The following SLC39A10 variants were observed in gnomAD, a reference collection of about 807,000 sequenced individuals.
The protein encoded by SLC39A10 is zinc transporter ZIP10.
Under a neutral mutation model 65.1 loss-of-function variants are expected in SLC39A10, and 13 were observed. That is an observed-to-expected ratio of 0.20 (90% CI 0.13 to 0.32). SLC39A10 has a LOEUF of 0.32. Ranked by LOEUF, SLC39A10 falls within the 10% of genes least tolerant of loss-of-function variation. The probability of loss-of-function intolerance (pLI) is 1.00; values close to 1 mark genes in which losing one functional copy is unlikely to be tolerated. For synonymous variants in SLC39A10, 321 were observed against 342.2 expected (o/e 0.94, Z 0.68); for missense variants, 831 against 1,018.4 (o/e 0.82, Z 2.50).
chr2:195,662,967 C>G (rs1689465893), intron 1 of SLC39A10, among the ~76,000 whole-genome samples: 1 of 152,198 alleles, frequency 6.6e-6, no homozygotes, highest in Non-Finnish European at 1.5e-5. Flanking sequence ...TTTCCGCTTT[C>G]CATTTTTCCT....
chr2:195,621,809 C>A (rs1688354457), intron 2 of SLC39A10, among the ~76,000 whole-genome samples: 1 of 152,102 alleles, frequency 6.6e-6, no homozygotes, highest in South Asian at 2.1e-4. Context: ...TACCTATGAT[C>A]ATAATAAATA....
intron 1 of SLC39A10, among the ~76,000 whole-genome samples, chr2:195,660,768 T>C (rs1425463251): frequency 1.3e-5 from 2 of 152,242 alleles, no homozygotes; most frequent in Non-Finnish European, 2.9e-5. Flanking sequence ...AAGTTAGCTG[T>C]GTAAATAACA....
intron 5 of SLC39A10, among the ~76,000 whole-genome samples, chr2:195,709,653 G>A (rs1191855122): frequency 6.6e-6 from 1 of 152,076 alleles, no homozygotes; most frequent in African/African-American, 2.4e-5. Flanking sequence ...TGGGATTACA[G>A]GCATGAGGCA....
chr2:195,649,997 T>C (rs1291525124), intron 2 of SLC39A10, among the ~76,000 whole-genome samples: 3 of 152,080 alleles, frequency 2.0e-5, no homozygotes, highest in Non-Finnish European at 2.9e-5. Context: ...CTAAGGAAAA[T>C]ATATTCTCAC....
intron 3 of SLC39A10, among the ~76,000 whole-genome samples, chr2:195,701,337 CT>C (rs35540908): frequency 0.52 from 54,453 of 105,706 alleles, 12,691 homozygotes; most frequent in Non-Finnish European, 0.58. Flanking sequence ...ATCTTCTTGA[CT>C]TTTTTTTTTT....
intron 1 of SLC39A10, among the ~76,000 whole-genome samples, chr2:195,658,819 T>A (rs1461610142): frequency 6.6e-6 from 1 of 151,834 alleles, no homozygotes; most frequent in South Asian, 2.1e-4. Flanking sequence ...ACATATAATA[T>A]CAGTGATAAG....
At chr2:195,653,878 C>T (rs893158696), upstream of SLC39A10, among the ~76,000 whole-genome samples, 7 of 152,296 alleles carry the variant, frequency 4.6e-5, no homozygotes, top group South Asian at 2.1e-4. Context: ...TCTTGAATCA[C>T]GGAAAGAACA....
intron 3 of SLC39A10, among the ~76,000 whole-genome samples, chr2:195,696,296 G>A (rs957483868): frequency 2.9e-5 from 4 of 138,630 alleles, no homozygotes; most frequent in Non-Finnish European, 6.1e-5. Flanking sequence ...TGAATTTTAG[G>A]ATGTTTTTTA....
chr2:195,662,994 G>T (rs1411693569), intron 1 of SLC39A10, among the ~76,000 whole-genome samples: 1 of 152,042 alleles, frequency 6.6e-6, no homozygotes, highest in Non-Finnish European at 1.5e-5. Flanking sequence ...AGGGAATTAT[G>T]CTTTATTATG....
chr2:195,728,326 C>T lies in SLC39A10; in HGVS notation c.2314C>T (p.Leu772Phe). ...WIFAVTAGMF[L>F]YVALVDMLPE... ...CTTTGCAGTCACTGCAGGCATGTTC[C>T]TCTATGTAGCCTTGGTGGATATGGT... Residue 772 changes from leucine (L) to phenylalanine (F), a missense_variant, in exon 9 of 10, where the codon CTC (leucine) becomes TTC (phenylalanine). By Grantham distance (22) the Leu-to-Phe change is conservative (BLOSUM62 0). Coordinates refer to ENST00000359634, the MANE Select transcript of SLC39A10 (RefSeq NM_020342.3). The surrounding 1 kb of genome is among the most constrained non-coding windows in gnomAD (Gnocchi z 4.4). 6.2e-7 allele frequency: 1 copy of T among 1,613,706 alleles called. No individual in the cohort carries two copies. The highest frequency in any genetic ancestry group is 8.5e-7 in the Non-Finnish European group (1 of 1,179,734).
At chr2:195,701,432 A>ATTTTTTT in intron 3 of SLC39A10, among the ~76,000 whole-genome samples, 1 of 12,518 alleles carries the variant, frequency 8.0e-5, no homozygotes, top group Admixed American at 9.7e-4. Flanking sequence ...AGTTTCTGTG[A>ATTTTTTT]TTCTTTTTTT....
chr2:195,622,841 C>A (rs1276743881), intron 2 of SLC39A10, among the ~76,000 whole-genome samples: 1 of 151,794 alleles, frequency 6.6e-6, no homozygotes. Flanking sequence ...GGTGTGGTGG[C>A]GGGCACCTGT....
chr2:195,726,972 A>G (rs938098932), intron 8 of SLC39A10, among the ~76,000 whole-genome samples: 1 of 152,148 alleles, frequency 6.6e-6, no homozygotes, highest in African/African-American at 2.4e-5. Context: ...TTTTTCTTTC[A>G]TACCTCTTCA....
At position 195,680,718 on chromosome 2, in the gene SLC39A10, G is replaced by A; in HGVS notation, c.676G>A (p.Val226Ile). The A allele has an allele frequency of 6.2e-7, 1 of 1,614,066 alleles. No individual in the cohort carries two copies. Among genetic ancestry groups the A allele is most frequent in the Non-Finnish European group, 8.5e-7 (1 of 1,180,020 alleles). ...CAATAAAACCCAGGAACAATCTGAT[G>A]TTAAACTACCGAAAGGAAAGAGGAA... ...ETNKTQEQSD[V>I]KLPKGKRKKK... The change falls in exon 2 of 10, where the codon GTT (valine) becomes ATT (isoleucine). Residue 226 changes from valine (V) to isoleucine (I), a missense_variant. Transcript: ENST00000359634.
chr2:195,706,880 AT>A, intron 4 of SLC39A10, 95 bp downstream of exon 4: 1 of 828,718 alleles, frequency 1.2e-6, no homozygotes, highest in Admixed American at 3.9e-5. Context: ...GTAATCTAGT[AT>A]TTGTATTGTT....
Position 195,735,128 on chromosome 2 carries a change from G to GA in SLC39A10, c.*90dup. On this transcript the variant is annotated 3_prime_UTR_variant, in exon 10 of 10. Coordinates refer to ENST00000359634, the MANE Select transcript of SLC39A10 (RefSeq NM_020342.3). The stretch of plus-strand genomic sequence containing the variant: ...TGTACTGTATGCACATTGCTCAAAG[G>GA]AAAGTCAGTGGCTTGCACTACTTAC... 1 of 1,368,026 alleles carries GA rather than the reference G, an allele frequency of 7.3e-7. No individual in the cohort carries two copies. Among genetic ancestry groups the GA allele is most frequent in the Non-Finnish European group, 9.8e-7 (1 of 1,021,334 alleles). 84.7% of individuals were successfully genotyped at this position (1,368,026 alleles called of 1,614,324 possible). A position where few individuals can be genotyped will look rare whatever the true frequency, so the allele number is the denominator to read the frequency against.
chr2:195,657,914 C>G (rs2105722225), intron 1 of SLC39A10: 1 of 152,886 alleles, frequency 6.5e-6, no homozygotes, highest in African/African-American at 2.4e-5. Flanking sequence ...CCGGACCAAC[C>G]GAAAAGCCGA....
rs180831323 is a variant in SLC39A10 at position 195,688,840 on chromosome 2, T to C, written c.1216+4934T>C. Among the ~76,000 whole-genome samples the C allele has an allele frequency of 4.8e-3, 727 of 152,318 alleles. 4 individuals carry two copies. The highest frequency in any genetic ancestry group is 0.017 in the African/African-American group (706 of 41,572). On this transcript the variant is annotated intron_variant, in intron 3 of 9. Transcript: ENST00000359634. ...ATTGAAATAAATATATTCCGATAAT[T>C]TTATGTAGTTATAAGTTTGTTTTGT...
At chr2:195,657,785 T>A (rs943230289) in intron 1 of SLC39A10, among the ~76,000 whole-genome samples, 6 of 151,976 alleles carry the variant, frequency 3.9e-5, no homozygotes, top group Non-Finnish European at 7.4e-5. Flanking sequence ...GGTTTTTTCT[T>A]CTCCAGTCCT....
Sources: gnomAD v4.1 joint callset for allele counts (sites outside exome capture counted in the v4.1 genomes callset) on GRCh38, gnomAD v4.1.1 for gene constraint, Gnocchi (gnomAD v3.1) non-coding constraint, MANE v1.5 for transcripts, NCBI Gene and HGNC (gene_info 2026-07-23, HGNC 2026-07-21) for gene names.